Variants in SLIT3 observed in about 807,000 individuals in gnomAD.
The protein encoded by SLIT3 is slit guidance ligand 3, also known as slit homolog 3 protein.
In SLIT3, 68 loss-of-function variants were observed where a neutral mutation model predicts 184.0. The ratio of observed to expected loss-of-function variants is 0.37; its 90% confidence interval spans 0.30 to 0.45. The LOEUF (loss-of-function observed/expected upper bound fraction) is 0.45. Ranked by LOEUF, SLIT3 falls within the 20% of genes least tolerant of loss-of-function variation. SLIT3 has a pLI of 1.00. For synonymous variants in SLIT3, 831 were observed against 828.6 expected, an observed-to-expected ratio of 1.00 and a Z score of -0.05; for missense variants, 1,707 against 2,026.0, an observed-to-expected ratio of 0.84 and a Z score of 3.02.
At chr5:168,814,628 C>A (rs1158315182) in intron 8 of SLIT3, among the ~76,000 whole-genome samples, 1 of 152,198 alleles carries the variant, frequency 6.6e-6, no homozygotes, top group Non-Finnish European at 1.5e-5. Context: ...ACAGACTGAA[C>A]CTTCCTCCAC....
chr5:169,225,334 A>C lies in SLIT3; in HGVS notation c.341+19371T>G, dbSNP rs185484709. Among the ~76,000 whole-genome samples, 185 of 152,340 alleles carry C rather than the reference A, an allele frequency of 1.2e-3. 1 individual carries two copies. The highest frequency in any genetic ancestry group is 3.4e-3 in the Middle Eastern group (1 of 294). ...AAGAATAACCCAGCAAAATCTCTCT[A>C]ACTGGAGATGTAAGGACAATGGCAG... On this transcript the variant is annotated intron_variant, in intron 3 of 35. Transcript: ENST00000519560.
At chr5:169,237,258 C>T (rs191203908) in intron 3 of SLIT3, among the ~76,000 whole-genome samples, 23 of 152,236 alleles carry the variant, frequency 1.5e-4, no homozygotes, top group Admixed American at 5.2e-4. Flanking sequence ...AAAATTTGCA[C>T]GCATTATAGT....
chr5:168,870,845 C>G (rs1759489399), intron 5 of SLIT3, among the ~76,000 whole-genome samples: 1 of 152,180 alleles, frequency 6.6e-6, no homozygotes, highest in African/African-American at 2.4e-5. Context: ...CAGAGTTTCT[C>G]AGAATACAAG....
In SLIT3 at chr5:169,120,734, A is replaced by T. The variant is rs191803395; in HGVS notation, c.413+72745T>A. On this transcript the variant is annotated intron_variant, in intron 4 of 35. Transcript: ENST00000519560. ...GTGCCTGTTCTGTGCCCACCTTGAG[A>T]GCTGCATCCTACCTGTGCTCAGCCC... Among the ~76,000 whole-genome samples, 98 of 152,242 alleles carry T rather than the reference A, an allele frequency of 6.4e-4. No homozygotes were observed. In the East Asian group the frequency reaches 0.014, roughly 22 times the overall value.
At chr5:168,746,890 G>GT (rs1315892304) in intron 20 of SLIT3, among the ~76,000 whole-genome samples, 15 of 47,756 alleles carry the variant, frequency 3.1e-4, no homozygotes, top group South Asian at 7.8e-4. Flanking sequence ...GGTGTGTGGT[G>GT]GTGTGTGGTG....
chr5:168,870,875 T>C (rs981691341), intron 5 of SLIT3, among the ~76,000 whole-genome samples: 4 of 152,238 alleles, frequency 2.6e-5, no homozygotes, highest in African/African-American at 9.6e-5. Flanking sequence ...ACTGATTTTA[T>C]GTCAATGATT....
At chr5:169,028,160 G>T (rs1433925485) in intron 4 of SLIT3, among the ~76,000 whole-genome samples, 2 of 152,126 alleles carry the variant, frequency 1.3e-5, no homozygotes, top group Non-Finnish European at 2.9e-5. Flanking sequence ...TCTTTAAATT[G>T]TAAACCTTGT....
chr5:169,026,684 A>G (rs1220882057), intron 4 of SLIT3: 1 of 152,202 alleles, frequency 6.6e-6, no homozygotes, highest in Admixed American at 6.5e-5. Context: ...GTAGAAGGCT[A>G]TATACTGAAA....
At chr5:168,784,862 TAA>T (rs945401216) in intron 12 of SLIT3, among the ~76,000 whole-genome samples, 7 of 151,400 alleles carry the variant, frequency 4.6e-5, no homozygotes, top group South Asian at 2.1e-4. Context: ...GAGGTGATTT[TAA>T]AAAGACACAC....
intron 4 of SLIT3, among the ~76,000 whole-genome samples, chr5:169,122,571 CA>C (rs1279047935): frequency 1.3e-5 from 2 of 152,204 alleles, no homozygotes; most frequent in Non-Finnish European, 2.9e-5. Context: ...AGTTTCCCCC[CA>C]CACAACAAAG....
intron 5 of SLIT3, among the ~76,000 whole-genome samples, chr5:168,851,193 G>A (rs1758660780): frequency 6.6e-6 from 1 of 151,794 alleles, no homozygotes. Flanking sequence ...CGTGGTGGCG[G>A]GCGCCTGTAG....
chr5:168,849,930 T>C (rs1413967955), intron 5 of SLIT3, among the ~76,000 whole-genome samples: 1 of 152,132 alleles, frequency 6.6e-6, no homozygotes, highest in Non-Finnish European at 1.5e-5. Context: ...ATTATCCAAT[T>C]GTCCTTTAAG....
At chr5:168,726,644 G>C (rs1763139173) in intron 20 of SLIT3, among the ~76,000 whole-genome samples, 1 of 151,700 alleles carries the variant, frequency 6.6e-6, no homozygotes, top group African/African-American at 2.4e-5. Context: ...TCTTGGGAAG[G>C]AGCAAGGAAA....
intron 4 of SLIT3, among the ~76,000 whole-genome samples, chr5:169,037,302 A>T (rs1251527072): frequency 6.6e-6 from 1 of 152,212 alleles, no homozygotes; most frequent in Non-Finnish European, 1.5e-5. Context: ...GTAGCTCACA[A>T]AGCAGCTCCT....
At chr5:168,988,096 G>A (rs1755197334) in intron 4 of SLIT3, among the ~76,000 whole-genome samples, 1 of 152,236 alleles carries the variant, frequency 6.6e-6, no homozygotes. Flanking sequence ...TCGCCATCCT[G>A]CACCTGTATT....
intron 4 of SLIT3, among the ~76,000 whole-genome samples, chr5:169,070,768 TTGCC>T (rs1758514591): frequency 6.7e-6 from 1 of 149,284 alleles, no homozygotes. Context: ...CTACCAACAT[TTGCC>T]TAGACTTGCT....
chr5:169,078,273 C>G (rs1165117017), intron 4 of SLIT3, among the ~76,000 whole-genome samples: 1 of 152,154 alleles, frequency 6.6e-6, no homozygotes, highest in East Asian at 1.9e-4. Flanking sequence ...TCCCTGGCTT[C>G]CTATTCTCCT....
chr5:168,749,484 A>G lies in SLIT3; in HGVS notation c.2125T>C (p.Phe709Leu). The G allele has an allele frequency of 6.2e-7, 1 of 1,614,128 alleles. No homozygotes were observed. The highest frequency in any genetic ancestry group is 8.5e-7 in the Non-Finnish European group (1 of 1,180,002). ...IPIQDVAIQDFTCDGNEESSC... is the reference protein window; with the variant it reads ...IPIQDVAIQDLTCDGNEESSC... ...ACAGCCTTCTTACCATCACAGGTGAAGTCCTGGATGGCCACATCCTGGATG... is the reference window on the plus strand; with the variant it reads ...ACAGCCTTCTTACCATCACAGGTGAGGTCCTGGATGGCCACATCCTGGATG... The change falls in exon 19 of 36, where the codon TTC becomes CTC. Residue 709 changes from phenylalanine (F) to leucine (L), a missense_variant. Physicochemically the swap from Phe to Leu is conservative, Grantham distance 22. This residue lies in a region of SLIT3 where 1,307 missense variants were observed against 1,511.6 expected (regional missense o/e 0.86). Transcript: ENST00000519560.
intron 4 of SLIT3, among the ~76,000 whole-genome samples, chr5:169,155,185 C>T (rs1762259428): frequency 6.6e-6 from 1 of 152,138 alleles, no homozygotes; most frequent in Non-Finnish European, 1.5e-5. Context: ...AGATAGGGAC[C>T]AATTTGCCAA....
Sources: allele counts gnomAD v4.1 joint callset (sites outside exome capture counted in the v4.1 genomes callset), GRCh38; gene constraint gnomAD v4.1.1; regional missense constraint gnomAD v4.1.1; transcripts MANE v1.5; gene names NCBI Gene and HGNC (gene_info 2026-07-23, HGNC 2026-07-21).